Variants in AKAP13 observed in about 807,000 individuals in gnomAD.
AKAP13 encodes the protein A-kinase anchoring protein 13.
In AKAP13, 80 loss-of-function variants were observed where a neutral mutation model predicts 264.5. The ratio of observed to expected loss-of-function variants is 0.30; its 90% confidence interval spans 0.25 to 0.36. AKAP13 has a LOEUF of 0.36. Among genes scored for constraint, AKAP13 ranks in the 10% least tolerant of loss-of-function variants. AKAP13 has a pLI of 1.00. For synonymous variants in AKAP13, 1,380 were observed against 1,250.2 expected (o/e 1.10, Z -2.19); for missense variants, 3,712 against 3,435.2 (o/e 1.08, Z -2.01).
At chr15:85,614,652 A>G (rs564045025) in intron 8 of AKAP13, among the ~76,000 whole-genome samples, 11 of 152,302 alleles carry the variant, frequency 7.2e-5, no homozygotes, top group African/African-American at 2.6e-4. Flanking sequence ...TTTCTCTGTT[A>G]TAGTTTCATT....
intron 14 of AKAP13, chr15:85,676,938 G>A (rs1458874063): frequency 7.1e-6 from 7 of 985,318 alleles, no homozygotes; most frequent in Non-Finnish European, 8.4e-6. Flanking sequence ...GGCATAATCC[G>A]AGCATGCTCT....
intron 19 of AKAP13, among the ~76,000 whole-genome samples, chr15:85,715,271 G>A (rs1464600090): frequency 2.0e-5 from 3 of 152,014 alleles, no homozygotes; most frequent in Middle Eastern, 3.2e-3. Context: ...CTTATTTTTT[G>A]TAAGTGGCAT....
chr15:85,633,762 T>G (rs1437282550), intron 8 of AKAP13, among the ~76,000 whole-genome samples: 1 of 151,856 alleles, frequency 6.6e-6, no homozygotes, highest in East Asian at 1.9e-4. Context: ...GCCAGGATGG[T>G]CTCGATCTCC....
chr15:85,546,364 A>G (rs2077744857), intron 5 of AKAP13, among the ~76,000 whole-genome samples: 1 of 151,514 alleles, frequency 6.6e-6, no homozygotes, highest in Admixed American at 6.6e-5. Flanking sequence ...ACACACAGCC[A>G]AAAGTGTAAA....
intron 2 of AKAP13, among the ~76,000 whole-genome samples, chr15:85,496,473 G>C (rs2075876567): frequency 6.6e-6 from 1 of 152,146 alleles, no homozygotes; most frequent in African/African-American, 2.4e-5. Context: ...ATTTTTATCA[G>C]TTAAAAAAAT....
chr15:85,591,666 C>T (rs2079585213), intron 8 of AKAP13, among the ~76,000 whole-genome samples: 1 of 151,876 alleles, frequency 6.6e-6, no homozygotes. Flanking sequence ...GGCCGTCTGA[C>T]ACCATTCGCC....
intron 15 of AKAP13, 136 bp downstream of exon 15, chr15:85,682,348 T>C: frequency 2.2e-6 from 2 of 890,860 alleles, no homozygotes; most frequent in Non-Finnish European, 3.4e-6. Flanking sequence ...GGAATAATGA[T>C]TAAAAGTGGT....
intron 1 of AKAP13, among the ~76,000 whole-genome samples, chr15:85,441,126 A>G (rs1326207204): frequency 1.3e-5 from 2 of 152,164 alleles, no homozygotes; most frequent in South Asian, 2.1e-4. Context: ...CAAAGTGGCT[A>G]TACATTTTAC....
intron 6 of AKAP13, chr15:85,577,902 G>A: frequency 1.2e-6 from 1 of 834,054 alleles, no homozygotes; most frequent in Non-Finnish European, 1.4e-6. Context: ...CACATTGGCT[G>A]CACCTTGTAA....
intron 1 of AKAP13, among the ~76,000 whole-genome samples, chr15:85,424,271 G>T (rs757012758): frequency 2.0e-5 from 3 of 152,230 alleles, no homozygotes; most frequent in African/African-American, 7.2e-5. Context: ...TTGAAAATCT[G>T]TTGTTTAGTG....
At chr15:85,575,556 G>C (rs541900863) in intron 6 of AKAP13, among the ~76,000 whole-genome samples, 1 of 152,298 alleles carries the variant, frequency 6.6e-6, no homozygotes, top group Admixed American at 6.5e-5. Flanking sequence ...GGCCGGCCTG[G>C]TGGCGGGCGC....
intron 17 of AKAP13, among the ~76,000 whole-genome samples, chr15:85,701,725 GA>G (rs1375095156): frequency 6.6e-6 from 1 of 151,922 alleles, no homozygotes; most frequent in African/African-American, 2.4e-5. Context: ...TTACAGGCGT[GA>G]GCCACCATGC....
At chr15:85,441,753 C>A (rs372963273) in intron 1 of AKAP13, among the ~76,000 whole-genome samples, 3 of 145,616 alleles carry the variant, frequency 2.1e-5, no homozygotes, top group Admixed American at 7.0e-5. Context: ...CATTTATTGA[C>A]AAGTCTCTTA....
intron 8 of AKAP13, among the ~76,000 whole-genome samples, chr15:85,610,737 A>G (rs1279627511): frequency 6.6e-6 from 1 of 152,212 alleles, no homozygotes; most frequent in Non-Finnish European, 1.5e-5. Context: ...GCACTTCGGG[A>G]GGCCGAGGTG....
intron 1 of AKAP13, among the ~76,000 whole-genome samples, chr15:85,413,532 G>A (rs2072085221): frequency 6.6e-6 from 1 of 152,212 alleles, no homozygotes; most frequent in Non-Finnish European, 1.5e-5. Flanking sequence ...AAGGTGAAGA[G>A]AATAGCACCA....
chr15:85,710,850 A>T (rs1224245033), intron 19 of AKAP13, among the ~76,000 whole-genome samples: 1 of 152,160 alleles, frequency 6.6e-6, no homozygotes, highest in Non-Finnish European at 1.5e-5. Context: ...GGTCTCTAAA[A>T]CAGTCTGTGT....
intron 6 of AKAP13, 59 bp from the exon 7 acceptor site, chr15:85,578,871 T>A: frequency 6.5e-7 from 1 of 1,536,486 alleles, no homozygotes; most frequent in Non-Finnish European, 8.9e-7. Context: ...TGCTCAGAGG[T>A]GTCAGTGACA....
At chr15:85,680,265 G>A (rs937814914) in intron 14 of AKAP13, among the ~76,000 whole-genome samples, 2 of 152,064 alleles carry the variant, frequency 1.3e-5, no homozygotes, top group African/African-American at 4.8e-5. Context: ...GTTTCCTTGG[G>A]CAGAAAAGGT....
chr15:85,530,144 C>T (rs1362956428), intron 3 of AKAP13, among the ~76,000 whole-genome samples: 1 of 152,202 alleles, frequency 6.6e-6, no homozygotes, highest in African/African-American at 2.4e-5. Context: ...GATAAGCATA[C>T]TGTTGTTGCC....
Sources: gnomAD v4.1 joint callset for allele counts (sites outside exome capture counted in the v4.1 genomes callset) on GRCh38, gnomAD v4.1.1 for gene constraint, MANE v1.5 for transcripts, NCBI Gene and HGNC (gene_info 2026-07-23, HGNC 2026-07-21) for gene names.